RSRC1: variants seen among roughly 807,000 people sequenced by gnomAD.
RSRC1 encodes the protein serine/Arginine-related protein 53.
Under a neutral mutation model 49.1 loss-of-function variants are expected in RSRC1, and 39 were observed. The observed-to-expected ratio is 0.79, with a 90% CI of 0.61 to 1.04. The LOEUF is 1.04. Ranked by LOEUF, RSRC1 falls within the 50% of genes least tolerant of loss-of-function variation. RSRC1 has a pLI of 0.00. For missense variants in RSRC1, 388 were observed against 402.4 expected, an observed-to-expected ratio of 0.96 and a Z score of 0.31; for synonymous variants, 143 against 130.8, an observed-to-expected ratio of 1.09 and a Z score of -0.63.
At position 158,487,946 on chromosome 3, in the gene RSRC1, C is replaced by CAAAAAAAAAAAAAAAAAAAAAAAAA. The variant is rs1303656428; in HGVS notation, c.652+26945_652+26946insAAAAAAAAAAAAAAAAAAAAAAAAA. On this transcript the variant is annotated intron_variant, in intron 7 of 9. Coordinates refer to ENST00000611884, the MANE Select transcript of RSRC1 (RefSeq NM_001271838.2). ...GCCTAGGAGACAAGAGACTCCATCT[C>CAAAAAAAAAAAAAAAAAAAAAAAAA]AAGAAAAAAAAAAAAAAAAAAAAAA... Among the ~76,000 whole-genome samples the CAAAAAAAAAAAAAAAAAAAAAAAAA allele has an allele frequency of 2.2e-3, 25 of 11,468 alleles. 2 individuals carry two copies. Among genetic ancestry groups the CAAAAAAAAAAAAAAAAAAAAAAAAA allele is most frequent in the South Asian group, 8.7e-3 (2 of 230 alleles). 7.5% of individuals were successfully genotyped at this position (11,468 alleles called of 152,430 possible). A position where few individuals can be genotyped will look rare whatever the true frequency, so the allele number is the denominator to read the frequency against.
chr3:158,194,704 T>A (rs1388191456), intron 3 of RSRC1, among the ~76,000 whole-genome samples: 1 of 140,686 alleles, frequency 7.1e-6, no homozygotes, highest in Non-Finnish European at 1.5e-5. Context: ...TGTCCGTGTG[T>A]TCTCATTGTT....
chr3:158,161,928 G>A (rs1718250130), intron 3 of RSRC1, among the ~76,000 whole-genome samples: 1 of 152,048 alleles, frequency 6.6e-6, no homozygotes, highest in African/African-American at 2.4e-5. Context: ...CAGAAGTGAA[G>A]CAAATCGTAT....
chr3:158,350,218 C>G (rs897936594), intron 5 of RSRC1, among the ~76,000 whole-genome samples: 3 of 143,624 alleles, frequency 2.1e-5, no homozygotes, highest in Admixed American at 7.2e-5. Context: ...GGCTCTATCA[C>G]CCAGGCTGGA....
In RSRC1 at chr3:158,123,375, A is replaced by G. The variant is rs146870803; in HGVS notation, c.195-491A>G. Among the ~76,000 whole-genome samples the G allele has an allele frequency of 6.6e-3, 1,009 of 152,174 alleles. 10 individuals are homozygous for G. Among genetic ancestry groups the G allele is most frequent in the African/African-American group, 0.023 (967 of 41,530 alleles). On this transcript the variant is annotated intron_variant, in intron 2 of 9. Coordinates refer to ENST00000611884, the MANE Select transcript of RSRC1 (RefSeq NM_001271838.2). ...CAGGCGGGAGTGCAGCGGTGCAGTC[A>G]TATCTTTTGGACTCAAGGGATCCTC...
chr3:158,355,757 G>C (rs1477064877), intron 6 of RSRC1, among the ~76,000 whole-genome samples: 2 of 151,534 alleles, frequency 1.3e-5, no homozygotes, highest in Non-Finnish European at 2.9e-5. Flanking sequence ...CAAACAATAA[G>C]TTTTAATGAG....
intron 5 of RSRC1, among the ~76,000 whole-genome samples, chr3:158,341,240 C>G (rs1426628605): frequency 1.3e-5 from 2 of 152,148 alleles, no homozygotes; most frequent in Non-Finnish European, 2.9e-5. Flanking sequence ...TGTTAATCCC[C>G]AAGACCATGG....
intron 6 of RSRC1, among the ~76,000 whole-genome samples, chr3:158,424,730 G>A (rs1735302897): frequency 6.6e-6 from 1 of 152,060 alleles, no homozygotes; most frequent in African/African-American, 2.4e-5. Flanking sequence ...TGGTGGGTAA[G>A]CTATTGATTA....
chr3:158,321,023 C>T (rs954342020), intron 5 of RSRC1, among the ~76,000 whole-genome samples: 4 of 152,056 alleles, frequency 2.6e-5, no homozygotes, highest in African/African-American at 9.7e-5. Flanking sequence ...ATTCTCTGTA[C>T]AGGAAAATAT....
chr3:158,522,707 A>G (rs1711759041), intron 7 of RSRC1, among the ~76,000 whole-genome samples: 1 of 152,064 alleles, frequency 6.6e-6, no homozygotes, highest in South Asian at 2.1e-4. Flanking sequence ...CATCCATTTG[A>G]TTTGAGATCT....
At chr3:158,204,977 A>G (rs1001734874) in intron 4 of RSRC1, among the ~76,000 whole-genome samples, 3 of 152,192 alleles carry the variant, frequency 2.0e-5, no homozygotes, top group African/African-American at 7.2e-5. Flanking sequence ...TTAATCTTGA[A>G]TGTCTCAGCC....
chr3:158,170,383 C>A (rs1346241960), intron 3 of RSRC1, among the ~76,000 whole-genome samples: 1 of 145,496 alleles, frequency 6.9e-6, no homozygotes, highest in Non-Finnish European at 1.5e-5. Flanking sequence ...ATATATGTTT[C>A]TGGAATAATG....
In RSRC1 at chr3:158,370,377, C is replaced by T. The variant is rs1006533522; in HGVS notation, c.583+15469C>T. Among the ~76,000 whole-genome samples the T allele has an allele frequency of 2.0e-5, 3 of 151,958 alleles. 1 individual carries two copies. Among genetic ancestry groups the T allele is most frequent in the African/African-American group, 7.2e-5 (3 of 41,426 alleles). The stretch of plus-strand genomic sequence containing the variant: ...ATTTTGGTAAAGAACCTTTACATTA[C>T]TCCAGAAGGTTTCTTTGTTCTCATT... On this transcript the variant is annotated intron_variant, in intron 6 of 9. Transcript: ENST00000611884.
chr3:158,436,231 A>G (rs978525348), intron 6 of RSRC1, among the ~76,000 whole-genome samples: 4 of 151,882 alleles, frequency 2.6e-5, no homozygotes, highest in Non-Finnish European at 4.4e-5. Context: ...TCAATTGGCT[A>G]TAGTAGAAAA....
At chr3:158,227,653 T>A (rs1722603652) in intron 4 of RSRC1, among the ~76,000 whole-genome samples, 1 of 152,018 alleles carries the variant, frequency 6.6e-6, no homozygotes, top group African/African-American at 2.4e-5. Context: ...TATGTTACGA[T>A]TCAGTAAGTT....
chr3:158,415,074 A>T (rs941627797), intron 6 of RSRC1, among the ~76,000 whole-genome samples: 1 of 152,142 alleles, frequency 6.6e-6, no homozygotes, highest in African/African-American at 2.4e-5. Context: ...TTGTTAGTTA[A>T]AAGTATCCTC....
intron 7 of RSRC1, among the ~76,000 whole-genome samples, chr3:158,533,413 TCTTTC>T (rs1712524428): frequency 6.6e-6 from 1 of 151,754 alleles, no homozygotes; most frequent in Non-Finnish European, 1.5e-5. Context: ...TCTTTCTCCT[TCTTTC>T]CTTTATAATT....
intron 6 of RSRC1, among the ~76,000 whole-genome samples, chr3:158,370,258 A>G (rs773506675): frequency 2.6e-5 from 4 of 151,982 alleles, no homozygotes; most frequent in Admixed American, 1.3e-4. Flanking sequence ...GAGGTCTAGC[A>G]AAGGTTTAAT....
chr3:158,447,967 A>C (rs1443131129), intron 6 of RSRC1, among the ~76,000 whole-genome samples: 1 of 151,896 alleles, frequency 6.6e-6, no homozygotes, highest in African/African-American at 2.4e-5. Context: ...CATTGATAGA[A>C]TGTTTGGAGT....
chr3:158,461,863 C>T (rs1050514791), intron 7 of RSRC1, among the ~76,000 whole-genome samples: 4 of 151,612 alleles, frequency 2.6e-5, no homozygotes, highest in African/African-American at 9.7e-5. Flanking sequence ...TTAGTAGGTA[C>T]CTGTGTTTTA....
Sources: allele counts gnomAD v4.1 joint callset (sites outside exome capture counted in the v4.1 genomes callset), GRCh38; gene constraint gnomAD v4.1.1; transcripts MANE v1.5; gene names NCBI Gene and HGNC (gene_info 2026-07-23, HGNC 2026-07-21).